The following IGF2BP2 variants were observed in gnomAD, a reference collection of about 807,000 sequenced individuals.
IGF2BP2 encodes the protein insulin like growth factor 2 mRNA binding protein 2, also known as insulin-like growth factor 2 mRNA-binding protein 2.
IGF2BP2 carries 17 observed loss-of-function variants against 75.8 expected under a neutral mutation model. The observed-to-expected ratio is 0.22, with a 90% CI of 0.15 to 0.34. The LOEUF is 0.34. Ranked by LOEUF, IGF2BP2 falls within the 10% of genes least tolerant of loss-of-function variation. IGF2BP2 has a pLI of 1.00. For synonymous variants in IGF2BP2, 288 were observed against 295.6 expected, an observed-to-expected ratio of 0.97 and a Z score of 0.26; for missense variants, 516 against 772.4, an observed-to-expected ratio of 0.67 and a Z score of 3.93.
At chr3:185,782,389 T>C (rs906793374) in intron 2 of IGF2BP2, among the ~76,000 whole-genome samples, 1 of 152,174 alleles carries the variant, frequency 6.6e-6, no homozygotes, top group East Asian at 1.9e-4. Flanking sequence ...ATCACATTGA[T>C]ATTCAACTAG....
chr3:185,824,346 C>A (rs1053678179), intron 1 of IGF2BP2, among the ~76,000 whole-genome samples: 3 of 135,006 alleles, frequency 2.2e-5, no homozygotes, highest in Non-Finnish European at 3.1e-5. Flanking sequence ...AAGGTCCGGC[C>A]GGGGGAGGAG....
intron 2 of IGF2BP2, among the ~76,000 whole-genome samples, chr3:185,743,410 G>A (rs1729833653): frequency 6.6e-6 from 1 of 152,016 alleles, no homozygotes; most frequent in Admixed American, 6.6e-5. Context: ...AGACCAGCTG[G>A]GATTACAGGT....
intron 2 of IGF2BP2, among the ~76,000 whole-genome samples, chr3:185,803,579 T>A (rs1389119738): frequency 6.6e-6 from 1 of 152,228 alleles, no homozygotes; most frequent in Non-Finnish European, 1.5e-5. Flanking sequence ...AACCACTTTC[T>A]GTCACATGAA....
rs1188624871 is a variant in IGF2BP2 at position 185,808,117 on chromosome 3, TA to T, written c.239+15035del. On this transcript the variant is annotated intron_variant, in intron 2 of 15. Coordinates refer to ENST00000382199, the MANE Select transcript of IGF2BP2 (RefSeq NM_006548.6). The stretch of plus-strand genomic sequence containing the variant: ...CAAGATGCCAAGACCTCGTTTCTTT[TA>T]AAAAAAAAAAAAAAAAAGAAAGAAA... 4.3e-3 allele frequency among the ~76,000 whole-genome samples: 549 copies of T among 128,036 alleles called. 1 individual carries two copies. Among genetic ancestry groups the T allele is most frequent in the Middle Eastern group, 0.012 (3 of 258 alleles). The allele number at this position is 128,036 out of a possible 152,430, so 84.0% of individuals were successfully genotyped here. A position where few individuals can be genotyped will look rare whatever the true frequency, so the allele number is the denominator to read the frequency against.
chr3:185,765,487 C>T (rs1732914064), intron 2 of IGF2BP2, among the ~76,000 whole-genome samples: 1 of 151,704 alleles, frequency 6.6e-6, no homozygotes, highest in Non-Finnish European at 1.5e-5. Flanking sequence ...CCCCCTTGAT[C>T]CCACACTGCC....
In IGF2BP2 at chr3:185,811,830, G is replaced by GTCTCTCTCTCTCTCTCTCTCTC. The variant is rs58208457; in HGVS notation, c.239+11301_239+11322dup. Among the ~76,000 whole-genome samples the GTCTCTCTCTCTCTCTCTCTCTC allele has an allele frequency of 4.7e-4, 57 of 120,786 alleles. 1 individual carries two copies. Among genetic ancestry groups the GTCTCTCTCTCTCTCTCTCTCTC allele is most frequent in the Non-Finnish European group, 7.9e-4 (45 of 56,934 alleles). 79.2% of individuals were successfully genotyped at this position (120,786 alleles called of 152,430 possible). On this transcript the variant is annotated intron_variant, in intron 2 of 15. Coordinates refer to ENST00000382199, the MANE Select transcript of IGF2BP2 (RefSeq NM_006548.6). Reference sequence around the variant, plus strand: ...CAGGGGACGGTGCTCAGAGTAGGGTGTCTCTCTCTCTCTCTCTCTCTCTCT... The same window carrying GTCTCTCTCTCTCTCTCTCTCTC: ...CAGGGGACGGTGCTCAGAGTAGGGTGTCTCTCTCTCTCTCTCTCTCTCTCTCTCTCTCTCTCTCTCTCTCTCT...
intron 10 of IGF2BP2, among the ~76,000 whole-genome samples, chr3:185,665,197 A>G (rs1027374684): frequency 2.7e-5 from 4 of 145,962 alleles, no homozygotes; most frequent in African/African-American, 1.0e-4. Flanking sequence ...AGAGGAGAAG[A>G]AGGAGAAGAA....
At chr3:185,824,712 G>C in intron 1 of IGF2BP2, 71 bp downstream of exon 1, 2 of 1,165,666 alleles carry the variant, frequency 1.7e-6, no homozygotes, top group Non-Finnish European at 2.2e-6. Context: ...CGCCGGACTC[G>C]GCCTCCCTCC....
intron 10 of IGF2BP2, among the ~76,000 whole-genome samples, chr3:185,659,127 G>C (rs1715967706): frequency 6.6e-6 from 1 of 152,124 alleles, no homozygotes; most frequent in Non-Finnish European, 1.5e-5. Flanking sequence ...GCTGAAGTGG[G>C]AGGATCACTT....
rs566087964 is a variant in IGF2BP2 at position 185,769,076 on chromosome 3, T to G, written c.239+54077A>C. On this transcript the variant is annotated intron_variant, in intron 2 of 15. Coordinates refer to ENST00000382199, the MANE Select transcript of IGF2BP2 (RefSeq NM_006548.6). ...GTTGAACCTGGGCGGGGCGCGGTGG[T>G]CCACGCCTGTAATCCCAACATTTTG... 3.3e-5 allele frequency among the ~76,000 whole-genome samples: 5 copies of G among 152,120 alleles called. 1 individual carries two copies. The South Asian group carries it at 1.0e-3, about 32-fold the overall frequency.
intron 7 of IGF2BP2, among the ~76,000 whole-genome samples, chr3:185,677,068 T>TATATATATATATATATATAGAGAGAG: frequency 4.5e-4 from 16 of 35,856 alleles, no homozygotes; most frequent in Non-Finnish European, 6.0e-4. Flanking sequence ...TATATATATA[T>TATATATATATATATATATAGAGAGAG]AGAGAGAGAG....
At chr3:185,813,924 G>C (rs1740255568) in intron 2 of IGF2BP2, 1 of 152,302 alleles carries the variant, frequency 6.6e-6, no homozygotes, top group Admixed American at 6.5e-5. Flanking sequence ...TGGCCGGTGT[G>C]AGGCCTTAGA....
intron 2 of IGF2BP2, among the ~76,000 whole-genome samples, chr3:185,745,926 A>C (rs1228601481): frequency 6.6e-6 from 1 of 152,154 alleles, no homozygotes; most frequent in Admixed American, 6.5e-5. Context: ...GGGTGGTCTG[A>C]AAGTTTTCTT....
chr3:185,743,166 ATTACAT>A (rs1729799315), intron 2 of IGF2BP2, among the ~76,000 whole-genome samples: 2 of 137,834 alleles, frequency 1.5e-5, no homozygotes, highest in African/African-American at 6.1e-5. Flanking sequence ...CATACTAATA[ATTACAT>A]TTTTTTTTTT....
At chr3:185,802,808 T>A (rs1351700493) in intron 2 of IGF2BP2, among the ~76,000 whole-genome samples, 1 of 152,190 alleles carries the variant, frequency 6.6e-6, no homozygotes, top group African/African-American at 2.4e-5. Flanking sequence ...TTTCTCAAGA[T>A]GAGAACATCC....
intron 2 of IGF2BP2, among the ~76,000 whole-genome samples, chr3:185,741,402 T>G (rs1271662010): frequency 6.6e-6 from 1 of 152,210 alleles, no homozygotes; most frequent in Non-Finnish European, 1.5e-5. Context: ...TTATTGAACT[T>G]CATAAATCTC....
intron 2 of IGF2BP2, among the ~76,000 whole-genome samples, chr3:185,797,004 T>C (rs1737508071): frequency 6.6e-6 from 1 of 152,110 alleles, no homozygotes; most frequent in Admixed American, 6.6e-5. Flanking sequence ...CTCTCAGGCC[T>C]CCCAGGAAGA....
chr3:185,665,302 GAGAAGGAGCAGAAGGAGA>G (rs1717194066), intron 10 of IGF2BP2, among the ~76,000 whole-genome samples: 1 of 119,794 alleles, frequency 8.3e-6, no homozygotes, highest in Non-Finnish European at 1.7e-5. Context: ...GGAGGAGAAG[GAGAAGGAGCAGAAGGAGA>G]AGGAGGAGGA....
chr3:185,714,002 A>G (rs1430616475), intron 2 of IGF2BP2, among the ~76,000 whole-genome samples: 1 of 152,226 alleles, frequency 6.6e-6, no homozygotes, highest in Non-Finnish European at 1.5e-5. Flanking sequence ...CGTCTAGCCC[A>G]AGTACTGTAT....
Sources: gnomAD v4.1 joint callset for allele counts (sites outside exome capture counted in the v4.1 genomes callset) on GRCh38, gnomAD v4.1.1 for gene constraint, MANE v1.5 for transcripts, NCBI Gene and HGNC (gene_info 2026-07-23, HGNC 2026-07-21) for gene names.